The following SHROOM2 variants were observed in gnomAD, a reference collection of about 807,000 sequenced individuals.
SHROOM2 encodes the protein protein Shroom2.
A neutral mutation model predicts 75.9 loss-of-function variants in SHROOM2; 33 were observed. That is an observed-to-expected ratio of 0.43 (90% CI 0.33 to 0.58). SHROOM2 has a LOEUF of 0.58. Among genes scored for constraint, SHROOM2 ranks in the 20% least tolerant of loss-of-function variants. SHROOM2 has a pLI of 0.04. For synonymous variants in SHROOM2, 655 were observed against 663.6 expected (o/e 0.99, Z 0.20); for missense variants, 1,434 against 1,461.2 (o/e 0.98, Z 0.30).
chrX:9,913,990 T>C (rs2084458977), intron 5 of SHROOM2, among the ~76,000 whole-genome samples: 1 of 110,816 alleles, frequency 9.0e-6, no homozygotes, highest in Non-Finnish European at 1.9e-5. Flanking sequence ...TTTCTTTCTT[T>C]TGTCACACAT....
chrX:9,820,116 A>AT lies in SHROOM2; in HGVS notation c.165+33420dup, dbSNP rs56091740. ...GTGCCTGGCTCCCTCCACCTTTAAA[A>AT]TTTTTTTTTTTTTTCAGATTATGTT... On this transcript the variant is annotated intron_variant, in intron 1 of 9. Transcript: ENST00000380913. Among the ~76,000 whole-genome samples, 24 of 94,289 alleles carry AT rather than the reference A, an allele frequency of 2.5e-4. No individual in the cohort carries two copies. In the South Asian group the frequency reaches 4.5e-3, roughly 18 times the overall value. 81.9% of individuals were successfully genotyped at this position (94,289 alleles called of 115,157 possible). A position where few individuals can be genotyped will look rare whatever the true frequency, so the allele number is the denominator to read the frequency against.
intron 5 of SHROOM2, among the ~76,000 whole-genome samples, chrX:9,899,124 C>G (rs937908634): frequency 9.1e-5 from 10 of 109,799 alleles, no homozygotes; most frequent in Non-Finnish European, 1.9e-4. Flanking sequence ...GTGGCAGATG[C>G]CTGTAGTCCC....
intron 5 of SHROOM2, among the ~76,000 whole-genome samples, chrX:9,919,654 C>G (rs1171652653): frequency 9.0e-6 from 1 of 110,625 alleles, no homozygotes; most frequent in Non-Finnish European, 1.9e-5. Context: ...ATCTTCAGAA[C>G]AGGAATGGCT....
chrX:9,792,253 G>T (rs2083669911), intron 1 of SHROOM2, among the ~76,000 whole-genome samples: 1 of 110,915 alleles, frequency 9.0e-6, no homozygotes, highest in African/African-American at 3.3e-5. Flanking sequence ...CTGTAGTAGA[G>T]CCAGCCTGTT....
intron 1 of SHROOM2, among the ~76,000 whole-genome samples, chrX:9,859,550 C>T (rs911519997): frequency 9.0e-5 from 10 of 111,230 alleles, no homozygotes; most frequent in African/African-American, 2.0e-4. Context: ...TTGGTGGAGA[C>T]GGTGGGGTTC....
At position 9,891,089 on chromosome X, in the gene SHROOM2, T is replaced by C; in HGVS notation, c.430T>C (p.Ser144Pro). The C allele has an allele frequency of 2.5e-6, 3 of 1,206,520 alleles. No individual in the cohort carries two copies. Among genetic ancestry groups the C allele is most frequent in the South Asian group, 1.8e-5 (1 of 55,697 alleles). Residue 144 changes from serine (S) to proline (P), a missense_variant, in exon 3 of 10, where the codon TCC becomes CCC. Around this residue, in one of 3 missense-constraint regions of SHROOM2, gnomAD observed 1,340 missense variants for 1,338.3 expected, o/e 1.00. Coordinates refer to ENST00000380913, the MANE Select transcript of SHROOM2 (RefSeq NM_001649.4). ...CTCCACCAGCGGCTGTCCTTCCTGG[T>C]CCGGCCGACACCACGCGAGGTAGGC... Reference protein sequence around the residue: ...FTSTSGCPSWSGRHHASSSSH... With the variant: ...FTSTSGCPSWPGRHHASSSSH...
intron 1 of SHROOM2, among the ~76,000 whole-genome samples, chrX:9,816,487 A>G (rs1463455853): frequency 8.9e-6 from 1 of 112,366 alleles, no homozygotes; most frequent in African/African-American, 3.2e-5. Flanking sequence ...AGAGGTGGTC[A>G]GCATGTCTGC....
At chrX:9,812,661 A>G (rs894937087) in intron 1 of SHROOM2, among the ~76,000 whole-genome samples, 1 of 112,285 alleles carries the variant, frequency 8.9e-6, no homozygotes, top group Non-Finnish European at 1.9e-5. Flanking sequence ...ACTGGATCCA[A>G]TTGGTATAAT....
At chrX:9,790,278 C>T (rs2083640621) in intron 1 of SHROOM2, among the ~76,000 whole-genome samples, 1 of 111,852 alleles carries the variant, frequency 8.9e-6, no homozygotes, top group Admixed American at 9.5e-5. Flanking sequence ...GCCAAGTCAC[C>T]TCGTGACCCG....
chrX:9,917,167 C>G (rs1425208197), intron 5 of SHROOM2, among the ~76,000 whole-genome samples: 1 of 111,738 alleles, frequency 8.9e-6, no homozygotes, highest in Non-Finnish European at 1.9e-5. Flanking sequence ...ATCGTAGTTC[C>G]CATCTTTTGC....
At chrX:9,941,856 A>C (rs923486748) in intron 8 of SHROOM2, among the ~76,000 whole-genome samples, 1 of 107,587 alleles carries the variant, frequency 9.3e-6, no homozygotes, top group African/African-American at 3.4e-5. Flanking sequence ...CTGTAGTCCC[A>C]GCTACTCGGG....
At chrX:9,789,055 C>T (rs1474194616) in intron 1 of SHROOM2, among the ~76,000 whole-genome samples, 1 of 111,771 alleles carries the variant, frequency 8.9e-6, no homozygotes, top group African/African-American at 3.3e-5. Context: ...TCTGGCATTG[C>T]CAGTGTTTGC....
At chrX:9,882,735 A>G (rs2084239110) in intron 2 of SHROOM2, among the ~76,000 whole-genome samples, 1 of 111,855 alleles carries the variant, frequency 8.9e-6, no homozygotes, top group Admixed American at 9.4e-5. Flanking sequence ...CAGGCTGGCC[A>G]GGTGGAGAGC....
intron 5 of SHROOM2, among the ~76,000 whole-genome samples, chrX:9,912,244 CACACACAT>C (rs1163135046): frequency 8.7e-5 from 5 of 57,512 alleles, no homozygotes; most frequent in African/African-American, 3.5e-4. Flanking sequence ...CACACACACA[CACACACAT>C]AAAGGAAGAC....
At chrX:9,817,638 C>T in intron 1 of SHROOM2, among the ~76,000 whole-genome samples, 1 of 112,514 alleles carries the variant, frequency 8.9e-6, no homozygotes, top group Non-Finnish European at 1.9e-5. Context: ...GTCATATTTA[C>T]TTCTCAGTAG....
chrX:9,939,646 T>C (rs970909253), intron 8 of SHROOM2, among the ~76,000 whole-genome samples: 3 of 112,608 alleles, frequency 2.7e-5, no homozygotes, highest in Non-Finnish European at 3.7e-5. Context: ...TTTTATCTTA[T>C]TTATTTATTT....
intron 1 of SHROOM2, among the ~76,000 whole-genome samples, chrX:9,830,333 A>C (rs983665855): frequency 1.7e-4 from 19 of 110,855 alleles, no homozygotes; most frequent in Non-Finnish European, 3.0e-4. Context: ...TGCCATGTAC[A>C]CGGAGCAGGG....
rs1254465222 is a variant in SHROOM2, at chrX:9,894,872, C to T, written c.964C>T (p.Arg322Cys). Residue 322 changes from arginine (R) to cysteine (C), a missense_variant, in exon 4 of 10, where the codon CGC (arginine) becomes TGC (cysteine). This residue lies in a region of SHROOM2 where 1,340 missense variants were observed against 1,338.3 expected (regional missense o/e 1.00). Coordinates refer to ENST00000380913, the MANE Select transcript of SHROOM2 (RefSeq NM_001649.4). ...SSPPPPPPPL[R>C]SDSFAATKSH... The stretch of plus-strand genomic sequence containing the variant: ...CCCACCTCCTCCCCCTCCCCCTCTC[C>T]GCAGTGACAGCTTTGCTGCCACCAA... 6 of 1,209,983 alleles carry T rather than the reference C, an allele frequency of 5.0e-6. No homozygotes were observed. The highest frequency in any genetic ancestry group is 2.2e-5 in the Admixed American group (1 of 45,942).
intron 9 of SHROOM2, among the ~76,000 whole-genome samples, chrX:9,946,173 T>C (rs894465918): frequency 6.2e-5 from 7 of 113,186 alleles, no homozygotes; most frequent in Non-Finnish European, 1.1e-4. Flanking sequence ...TGTGCAGATA[T>C]GCTCTGCAGG....
Sources: gnomAD v4.1 joint callset for allele counts (sites outside exome capture counted in the v4.1 genomes callset) on GRCh38, gnomAD v4.1.1 for gene constraint, gnomAD v4.1.1 regional missense constraint, MANE v1.5 for transcripts, NCBI Gene and HGNC (gene_info 2026-07-23, HGNC 2026-07-21) for gene names.